Variants in CPNE5 observed in about 807,000 individuals in gnomAD.
CPNE5 encodes the protein copine 5, also known as copine-5.
In CPNE5, 42 loss-of-function variants were observed where a neutral mutation model predicts 81.1. The observed-to-expected ratio is 0.52, with a 90% CI of 0.40 to 0.67. The LOEUF is 0.67. CPNE5 is among the 30% of genes least tolerant of loss of function. CPNE5 has a pLI of 0.00. For missense variants in CPNE5, 612 were observed against 815.5 expected (o/e 0.75, Z 3.04); for synonymous variants, 313 against 321.5 (o/e 0.97, Z 0.28).
intron 1 of CPNE5, chr6:36,827,849 A>AT (rs1475415458): frequency 3.5e-5 from 25 of 719,260 alleles, no homozygotes; most frequent in East Asian, 1.4e-4. Flanking sequence ...ACAAAGAGAA[A>AT]TTTTTTTTAG....
At chr6:36,792,453 G>T (rs1194601580) in intron 7 of CPNE5, 1 of 1,292,080 alleles carries the variant, frequency 7.7e-7, no homozygotes, top group South Asian at 1.2e-5. Context: ...ACTTCTGTGG[G>T]CAAAAGACCT....
intron 3 of CPNE5, among the ~76,000 whole-genome samples, chr6:36,802,883 C>T (rs1770252734): frequency 6.6e-6 from 1 of 151,976 alleles, no homozygotes; most frequent in Admixed American, 6.6e-5. Flanking sequence ...AACCCCATCT[C>T]TATTTAAAAA....
chr6:36,760,947 G>C (rs1298700923), intron 12 of CPNE5, among the ~76,000 whole-genome samples: 1 of 152,236 alleles, frequency 6.6e-6, no homozygotes, highest in Non-Finnish European at 1.5e-5. Flanking sequence ...TTTTTCAGCT[G>C]ATGGCCTTCC....
intron 3 of CPNE5, among the ~76,000 whole-genome samples, chr6:36,803,026 G>T (rs746241087): frequency 3.3e-5 from 5 of 152,142 alleles, no homozygotes; most frequent in Non-Finnish European, 7.3e-5. Flanking sequence ...CTGTACCCCA[G>T]CCTGAGCGAC....
chr6:36,744,554 G>A (rs1383460960), intron 18 of CPNE5: 2 of 584,848 alleles, frequency 3.4e-6, no homozygotes, highest in South Asian at 2.1e-5. Context: ...GGTGGCAGGG[G>A]GAATGGGTCA....
chr6:36,825,092 A>G (rs939383389), intron 1 of CPNE5, among the ~76,000 whole-genome samples: 1 of 152,198 alleles, frequency 6.6e-6, no homozygotes, highest in African/African-American at 2.4e-5. Flanking sequence ...TAGAGACAGA[A>G]AAGTCTAGAA....
chr6:36,762,267 C>G (rs1028453187), intron 12 of CPNE5, among the ~76,000 whole-genome samples: 1 of 150,078 alleles, frequency 6.7e-6, no homozygotes, highest in Non-Finnish European at 1.5e-5. Context: ...CACATGCACA[C>G]GCATACACAC....
chr6:36,761,940 G>A (rs1691180319), intron 12 of CPNE5, among the ~76,000 whole-genome samples: 2 of 152,094 alleles, frequency 1.3e-5, no homozygotes, highest in African/African-American at 4.8e-5. Context: ...TTTGGAAGGT[G>A]GGGAGGGAAT....
rs1402845396 is a variant in CPNE5, at chr6:36,779,742, G to A, written c.529-785C>T. On this transcript the variant is annotated intron_variant, in intron 8 of 20. Transcript: ENST00000244751. ...CGCAGAGGTGTCCCGGCCCTGGTGA[G>A]GATCTCTGGACCCCTCAGCCCCTCA... is the stretch of plus-strand genomic sequence containing the variant. Among the ~76,000 whole-genome samples, 4 of 152,292 alleles carry A rather than the reference G, an allele frequency of 2.6e-5. No individual in the cohort carries two copies. In the East Asian group the frequency reaches 7.7e-4, roughly 29 times the overall value.
At chr6:36,800,552 C>T (rs1488895180) in intron 3 of CPNE5, among the ~76,000 whole-genome samples, 1 of 152,204 alleles carries the variant, frequency 6.6e-6, no homozygotes, top group Non-Finnish European at 1.5e-5. Context: ...TTCCCAATTG[C>T]AAACACAAGG....
rs1319623321 is a variant in CPNE5 at position 36,746,366 on chromosome 6, G to A, written c.1200+30C>T. ...TGTCACCTCACCCCCAGCCTGATCA[G>A]TCCTCTCTCCCACCAGCGGGACCAC... On this transcript the variant is annotated intron_variant, in intron 16 of 20. Coordinates refer to ENST00000244751, the MANE Select transcript of CPNE5 (RefSeq NM_020939.2). This position sits in a 1 kb window ranked among gnomAD's most constrained non-coding sequence, Gnocchi z 4.5. The A allele has an allele frequency of 6.4e-7, 1 of 1,558,314 alleles. No individual in the cohort carries two copies. Among genetic ancestry groups the A allele is most frequent in the South Asian group, 1.1e-5 (1 of 87,742 alleles).
At chr6:36,804,119 C>A (rs1410531453) in intron 3 of CPNE5, among the ~76,000 whole-genome samples, 3 of 152,222 alleles carry the variant, frequency 2.0e-5, no homozygotes, top group Non-Finnish European at 2.9e-5. Context: ...GGTTAAGTAA[C>A]TTGCCCAAGA....
chr6:36,784,283 T>A (rs73414293), intron 8 of CPNE5, among the ~76,000 whole-genome samples: 1 of 152,216 alleles, frequency 6.6e-6, no homozygotes, highest in Non-Finnish European at 1.5e-5. Context: ...TGCACCATTG[T>A]AGACTCCGTG....
rs980809836 is a variant in CPNE5 at position 36,798,587 on chromosome 6, C to CA, written c.288-94dup. The stretch of plus-strand genomic sequence containing the variant: ...AAGTTGAGTCAGGGCCCCTGTCCCC[C>CA]AAAAAACAGGTCCCAACACAGTGAA... On this transcript the variant is annotated intron_variant, in intron 4 of 20. Coordinates refer to ENST00000244751, the MANE Select transcript of CPNE5 (RefSeq NM_020939.2). 2.3e-5 allele frequency: 25 copies of CA among 1,084,862 alleles called. No homozygotes were observed. The African/African-American group carries it at 3.3e-4, about 14-fold the overall frequency. 67.2% of individuals were successfully genotyped at this position (1,084,862 alleles called of 1,614,324 possible).
At chr6:36,833,205 A>G (rs1773112930) in intron 1 of CPNE5, among the ~76,000 whole-genome samples, 1 of 152,196 alleles carries the variant, frequency 6.6e-6, no homozygotes, top group Non-Finnish European at 1.5e-5. Context: ...AAGTGTACTC[A>G]CTGTGTAACC....
At chr6:36,815,665 T>C (rs881951) in intron 3 of CPNE5, among the ~76,000 whole-genome samples, 2 of 152,254 alleles carry the variant, frequency 1.3e-5, no homozygotes, top group South Asian at 2.1e-4. Context: ...ACTAAGACAG[T>C]GCCCAACACA....
intron 1 of CPNE5, among the ~76,000 whole-genome samples, chr6:36,830,686 G>A (rs952032146): frequency 6.6e-6 from 1 of 152,190 alleles, no homozygotes; most frequent in Non-Finnish European, 1.5e-5. Context: ...TTCTGAGCTG[G>A]AGTCCCCACA....
intron 10 of CPNE5, among the ~76,000 whole-genome samples, chr6:36,767,134 G>T (rs1300032614): frequency 6.6e-6 from 1 of 152,220 alleles, no homozygotes; most frequent in African/African-American, 2.4e-5. Flanking sequence ...GGGATTAGAG[G>T]CATGAGCCAC....
intron 8 of CPNE5, among the ~76,000 whole-genome samples, chr6:36,780,389 C>T (rs867493205): frequency 1.3e-5 from 2 of 152,292 alleles, no homozygotes; most frequent in African/African-American, 4.8e-5. Flanking sequence ...CAAGGTTCAG[C>T]GGTGGCTACG....
Sources: allele counts gnomAD v4.1 joint callset (sites outside exome capture counted in the v4.1 genomes callset), GRCh38; gene constraint gnomAD v4.1.1; non-coding constraint Gnocchi (gnomAD v3.1); transcripts MANE v1.5; gene names NCBI Gene and HGNC (gene_info 2026-07-23, HGNC 2026-07-21).